The following KIAA1328 variants were observed in gnomAD, a reference collection of about 807,000 sequenced individuals.
KIAA1328 encodes the protein protein hinderin.
Under a neutral mutation model 68.1 loss-of-function variants are expected in KIAA1328, and 52 were observed. The observed-to-expected ratio is 0.76, with a 90% CI of 0.61 to 0.96. The LOEUF is 0.96. KIAA1328 is among the 40% of genes least tolerant of loss of function. The probability of loss-of-function intolerance (pLI) is 0.00; values close to 1 mark genes in which losing one functional copy is unlikely to be tolerated. For synonymous variants in KIAA1328, 232 were observed against 239.4 expected, an observed-to-expected ratio of 0.97 and a Z score of 0.28; for missense variants, 641 against 677.6, an observed-to-expected ratio of 0.95 and a Z score of 0.60.
chr18:36,990,263 A>T (rs923110311), intron 6 of KIAA1328, among the ~76,000 whole-genome samples: 1 of 152,124 alleles, frequency 6.6e-6, no homozygotes, highest in African/African-American at 2.4e-5. Flanking sequence ...TTTCCCAAGG[A>T]GTACATGAAT....
intron 7 of KIAA1328, among the ~76,000 whole-genome samples, chr18:37,105,175 A>G (rs1331035199): frequency 6.6e-6 from 1 of 152,218 alleles, no homozygotes; most frequent in Non-Finnish European, 1.5e-5. Flanking sequence ...AACCATCAGT[A>G]AAATTGTAAA....
intron 4 of KIAA1328, among the ~76,000 whole-genome samples, chr18:36,881,991 T>G (rs1568117877): frequency 6.6e-6 from 1 of 152,214 alleles, no homozygotes; most frequent in Non-Finnish European, 1.5e-5. Flanking sequence ...GTATGGTAAC[T>G]CTGTGTTTAA....
chr18:36,864,944 CCT>C (rs1568094250), intron 4 of KIAA1328, among the ~76,000 whole-genome samples: 1 of 150,020 alleles, frequency 6.7e-6, no homozygotes, highest in Non-Finnish European at 1.5e-5. Flanking sequence ...TATTTTTTTA[CCT>C]CTGTTTTGCT....
intron 1 of KIAA1328, among the ~76,000 whole-genome samples, chr18:36,829,625 C>G (rs2046391440): frequency 6.6e-6 from 1 of 152,154 alleles, no homozygotes; most frequent in Non-Finnish European, 1.5e-5. Flanking sequence ...TTAGGATTGT[C>G]TTTAGTCTGC....
At chr18:37,122,617 T>A (rs1221625795) in intron 7 of KIAA1328, among the ~76,000 whole-genome samples, 1 of 152,086 alleles carries the variant, frequency 6.6e-6, no homozygotes, top group Non-Finnish European at 1.5e-5. Flanking sequence ...ATTTTACTAC[T>A]GTAATAGGAG....
Position 37,167,435 on chromosome 18 carries a change from C to T in KIAA1328, c.1415-5538C>T, listed in dbSNP as rs538970514. Among the ~76,000 whole-genome samples, 190 of 152,174 alleles carry T rather than the reference C, an allele frequency of 1.2e-3. 1 individual carries two copies. The highest frequency in any genetic ancestry group is 2.3e-3 in the Non-Finnish European group (159 of 68,002). On this transcript the variant is annotated intron_variant, in intron 8 of 9. Transcript: ENST00000280020. ...TTTATTTAATAGTGGCAGTAGCTCT[C>T]AGCAGTTGGATGGGGTGTCAGAAGG...
intron 9 of KIAA1328, among the ~76,000 whole-genome samples, chr18:37,185,470 A>G (rs1294610078): frequency 6.6e-6 from 1 of 152,184 alleles, no homozygotes; most frequent in African/African-American, 2.4e-5. Flanking sequence ...TCACATAGAA[A>G]AACATGACTG....
chr18:36,998,590 C>T (rs1224213001), intron 6 of KIAA1328, among the ~76,000 whole-genome samples: 3 of 152,210 alleles, frequency 2.0e-5, no homozygotes, highest in African/African-American at 7.2e-5. Context: ...ACTTGGAATC[C>T]AAGTCCTCCC....
At position 36,829,157 on chromosome 18, in the gene KIAA1328, C is replaced by G; in HGVS notation, c.19C>G (p.Pro7Ala). The G allele has an allele frequency of 3.3e-6, 5 of 1,532,998 alleles. No homozygotes were observed. The highest frequency in any genetic ancestry group is 4.4e-6 in the Non-Finnish European group (5 of 1,142,168). 95.0% of individuals were successfully genotyped at this position (1,532,998 alleles called of 1,614,324 possible). A position where few individuals can be genotyped will look rare whatever the true frequency, so the allele number is the denominator to read the frequency against. The change falls in exon 1 of 10, where the codon CCC (proline) becomes GCC (alanine). Residue 7 changes from proline (P) to alanine (A), a missense_variant. Coordinates refer to ENST00000280020, the MANE Select transcript of KIAA1328 (RefSeq NM_020776.3). ...TTTCAAGATGGCGGACGTGGCGGGC[C>G]CCTCCCGCCCCAGTGCCGCGGCGTT... MADVAG[P>A]SRPSAAAFWS...
At chr18:37,048,597 G>GT (rs367791384) in intron 6 of KIAA1328, among the ~76,000 whole-genome samples, 111,332 of 151,952 alleles carry the variant, frequency 0.73, 43,914 homozygotes, top group South Asian at 0.89. Flanking sequence ...ATATAATAAT[G>GT]GTGCTTTACG....
intron 7 of KIAA1328, among the ~76,000 whole-genome samples, chr18:37,073,195 A>T (rs1283779803): frequency 1.3e-5 from 2 of 152,254 alleles, no homozygotes; most frequent in Non-Finnish European, 2.9e-5. Context: ...GCTTCTGCAC[A>T]GCAAAAGAAA....
At chr18:36,905,539 C>T (rs2049188443) in intron 5 of KIAA1328, among the ~76,000 whole-genome samples, 1 of 152,094 alleles carries the variant, frequency 6.6e-6, no homozygotes, top group African/African-American at 2.4e-5. Flanking sequence ...GCTATGAATT[C>T]ATTGCTTTTG....
intron 7 of KIAA1328, among the ~76,000 whole-genome samples, chr18:37,122,530 C>G (rs1455087245): frequency 6.6e-6 from 1 of 152,026 alleles, no homozygotes; most frequent in East Asian, 1.9e-4. Flanking sequence ...TATTATTGAT[C>G]AAAGGAGATC....
At chr18:37,116,481 C>T (rs1000622878) in intron 7 of KIAA1328, among the ~76,000 whole-genome samples, 5 of 152,218 alleles carry the variant, frequency 3.3e-5, no homozygotes, top group African/African-American at 1.2e-4. Context: ...AAACTGGATC[C>T]CTTCCTTACA....
At chr18:36,873,789 T>A (rs902269199) in intron 4 of KIAA1328, among the ~76,000 whole-genome samples, 4 of 152,178 alleles carry the variant, frequency 2.6e-5, no homozygotes, top group Admixed American at 2.6e-4. Flanking sequence ...GCTGCACCCA[T>A]CAACCCATCA....
At chr18:36,879,061 GGTGAGGAGTT>G (rs2150960032) in intron 4 of KIAA1328, among the ~76,000 whole-genome samples, 1 of 152,282 alleles carries the variant, frequency 6.6e-6, no homozygotes, top group South Asian at 2.1e-4. Flanking sequence ...TTGCCTTGCT[GGTGAGGAGTT>G]GTGATCCTTT....
intron 9 of KIAA1328, among the ~76,000 whole-genome samples, chr18:37,195,013 G>A (rs1156517582): frequency 6.6e-6 from 1 of 152,024 alleles, no homozygotes; most frequent in East Asian, 1.9e-4. Flanking sequence ...TGGTACATGT[G>A]GTATTTTGGT....
chr18:36,984,299 A>G (rs1043238901), intron 6 of KIAA1328, among the ~76,000 whole-genome samples: 1 of 152,216 alleles, frequency 6.6e-6, no homozygotes, highest in African/African-American at 2.4e-5. Flanking sequence ...ATCCAAATTG[A>G]GAAGCAAATA....
chr18:37,029,466 C>T lies in KIAA1328; in HGVS notation c.577-37424C>T, dbSNP rs183424674. Among the ~76,000 whole-genome samples, 52 of 152,156 alleles carry T rather than the reference C, an allele frequency of 3.4e-4. No homozygotes were observed. In the East Asian group the frequency reaches 7.6e-3, roughly 22 times the overall value. ...TCAGTTCACTGCAACTTCCACCTCCCGGGCTCGAGTTATCCTCCCACCTCA... is the reference window on the plus strand; with the variant it reads ...TCAGTTCACTGCAACTTCCACCTCCTGGGCTCGAGTTATCCTCCCACCTCA... On this transcript the variant is annotated intron_variant, in intron 6 of 9. Coordinates refer to ENST00000280020, the MANE Select transcript of KIAA1328 (RefSeq NM_020776.3).
Sources: allele counts gnomAD v4.1 joint callset (sites outside exome capture counted in the v4.1 genomes callset), GRCh38; gene constraint gnomAD v4.1.1; transcripts MANE v1.5; gene names NCBI Gene and HGNC (gene_info 2026-07-23, HGNC 2026-07-21).